The following ABLIM2 variants were observed in gnomAD, a reference collection of about 807,000 sequenced individuals.
The protein encoded by ABLIM2 is actin-binding LIM protein 2.
In ABLIM2, 53 loss-of-function variants were observed where a neutral mutation model predicts 97.7. That is an observed-to-expected ratio of 0.54 (90% CI 0.44 to 0.68). The LOEUF (loss-of-function observed/expected upper bound fraction) is 0.68, where lower values mean the gene tolerates loss of function less well. Among genes scored for constraint, ABLIM2 ranks in the 30% least tolerant of loss-of-function variants. ABLIM2 has a pLI of 0.00. For missense variants in ABLIM2, 835 were observed against 867.2 expected, an observed-to-expected ratio of 0.96 and a Z score of 0.47; for synonymous variants, 361 against 345.8, an observed-to-expected ratio of 1.04 and a Z score of -0.49.
At chr4:8,089,165 C>A (rs1337738739) in intron 3 of ABLIM2, among the ~76,000 whole-genome samples, 1 of 152,230 alleles carries the variant, frequency 6.6e-6, no homozygotes, top group Non-Finnish European at 1.5e-5. Context: ...AGGTGAGGGA[C>A]CGCAGAGAGC....
Position 8,032,378 on chromosome 4 carries a change from C to T in ABLIM2, c.1048-2602G>A, listed in dbSNP as rs1781501610. Among the ~76,000 whole-genome samples, 1 of 152,180 alleles carries T rather than the reference C, an allele frequency of 6.6e-6. No individual in the cohort carries two copies. Among genetic ancestry groups the T allele is most frequent in the Admixed American group, 6.5e-5 (1 of 15,280 alleles). On this transcript the variant is annotated intron_variant, in intron 10 of 20. Coordinates refer to ENST00000447017, the MANE Select transcript of ABLIM2 (RefSeq NM_001130083.2). This position sits in a 1 kb window ranked among gnomAD's most constrained non-coding sequence, Gnocchi z 4.3. ...TTTTCCCCTAAAGGAAGCCACGGCC[C>T]AGACCACGATCTGCTCAGGGTAGAC...
rs772725032 is a variant in ABLIM2, at chr4:7,983,364, C to T, written c.1744-20G>A. ...ATAGATCTGTTGGGGGAGGAAACCA[C>T]AGGGTCACCTCACGAAGCAAGTGTA... On this transcript the variant is annotated intron_variant, in intron 19 of 20. Transcript: ENST00000447017. 5.0e-6 allele frequency: 8 copies of T among 1,608,162 alleles called. No individual in the cohort carries two copies. The African/African-American group carries it at 1.1e-4, about 21-fold the overall frequency.
intron 10 of ABLIM2, among the ~76,000 whole-genome samples, chr4:8,031,701 C>T (rs1450127551): frequency 1.3e-5 from 2 of 151,216 alleles, no homozygotes; most frequent in Non-Finnish European, 1.5e-5. Context: ...CTCTGGGTGT[C>T]GTGGTGGGGG....
At position 8,127,564 on chromosome 4, in the gene ABLIM2, AC is replaced by A. The variant is rs1405112073; in HGVS notation, c.11-20928del. The A allele has an allele frequency of 1.7e-5, 22 of 1,289,494 alleles. No individual in the cohort carries two copies. The highest frequency in any genetic ancestry group is 3.7e-5 in the South Asian group (3 of 81,024). The allele number at this position is 1,289,494 out of a possible 1,614,324, so 79.9% of individuals were successfully genotyped here. On this transcript the variant is annotated intron_variant, in intron 1 of 20. Coordinates refer to ENST00000447017, the MANE Select transcript of ABLIM2 (RefSeq NM_001130083.2). The surrounding 1 kb of genome is among the most constrained non-coding windows in gnomAD (Gnocchi z 7.3). ...GGATTTACCTGTGTCTCCCCCTGGC[AC>A]CCCCATGGAGCGTGGCTGCTTGCAA...
chr4:8,046,497 C>A lies in ABLIM2; in HGVS notation c.823-1256G>T, dbSNP rs1248159490. ...TCAGCAGCCAAGAGCTCAGCCCTCACTCTCCCCACGGCCCCCACGTCCTCT... is the reference window on the plus strand; with the variant it reads ...TCAGCAGCCAAGAGCTCAGCCCTCAATCTCCCCACGGCCCCCACGTCCTCT... On this transcript the variant is annotated intron_variant, in intron 8 of 20. Coordinates refer to ENST00000447017, the MANE Select transcript of ABLIM2 (RefSeq NM_001130083.2). The surrounding 1 kb of genome is among the most constrained non-coding windows in gnomAD (Gnocchi z 4.4). 6.6e-6 allele frequency among the ~76,000 whole-genome samples: 1 copy of A among 152,192 alleles called. No homozygotes were observed. Among genetic ancestry groups the A allele is most frequent in the Non-Finnish European group, 1.5e-5 (1 of 68,040 alleles).
At chr4:7,983,411 C>T (rs1225208678) in intron 19 of ABLIM2, 67 bp from the exon 20 acceptor site, 19 of 1,581,478 alleles carry the variant, frequency 1.2e-5, no homozygotes, top group Admixed American at 3.6e-5. Context: ...AAGAACTGAG[C>T]AGAAGGTCAC....
At position 8,032,679 on chromosome 4, in the gene ABLIM2, G is replaced by A. The variant is rs1781717234; in HGVS notation, c.1048-2903C>T. Reference sequence around the variant, plus strand: ...CGGCGTTGGCGAGAGCAACTGAGGGGACTGTGGACACAACACACAAAGTGG... The same window carrying A: ...CGGCGTTGGCGAGAGCAACTGAGGGAACTGTGGACACAACACACAAAGTGG... On this transcript the variant is annotated intron_variant, in intron 10 of 20. Coordinates refer to ENST00000447017, the MANE Select transcript of ABLIM2 (RefSeq NM_001130083.2). This position sits in a 1 kb window ranked among gnomAD's most constrained non-coding sequence, Gnocchi z 4.3. 6.2e-7 allele frequency: 1 copy of A among 1,612,546 alleles called. No homozygotes were observed. The highest frequency in any genetic ancestry group is 2.2e-5 in the East Asian group (1 of 44,860).
intron 7 of ABLIM2, among the ~76,000 whole-genome samples, chr4:8,055,098 C>G (rs1340573172): frequency 3.3e-5 from 5 of 151,688 alleles, no homozygotes; most frequent in Non-Finnish European, 5.9e-5. Flanking sequence ...TCTACCTTGT[C>G]AGGTCACTGG....
In ABLIM2 at chr4:8,140,219, A is replaced by G. The variant is rs932721354; in HGVS notation, c.10+18461T>C. 5.9e-5 allele frequency among the ~76,000 whole-genome samples: 9 copies of G among 152,198 alleles called. No individual in the cohort carries two copies. The highest frequency in any genetic ancestry group is 2.0e-4 in the Admixed American group (3 of 15,282). ...ATGGCACACGTTTACCTGTGTAACA[A>G]ACCTGCATGTCCTGCACATGTATCC... On this transcript the variant is annotated intron_variant, in intron 1 of 20. Transcript: ENST00000447017. The surrounding 1 kb of genome is among the most constrained non-coding windows in gnomAD (Gnocchi z 5.9).
At chr4:8,050,625 G>A (rs775976644) in intron 8 of ABLIM2, among the ~76,000 whole-genome samples, 1 of 152,150 alleles carries the variant, frequency 6.6e-6, no homozygotes, top group African/African-American at 2.4e-5. Context: ...GCCGGGAGCC[G>A]GCCAGGTCTG....
chr4:7,984,060 G>A (rs1427572381), intron 18 of ABLIM2, among the ~76,000 whole-genome samples: 1 of 152,180 alleles, frequency 6.6e-6, no homozygotes, highest in Non-Finnish European at 1.5e-5. Flanking sequence ...GACTGAAAGC[G>A]TCTTATCACG....
intron 1 of ABLIM2, among the ~76,000 whole-genome samples, chr4:8,137,579 C>T (rs781357305): frequency 2.6e-5 from 4 of 152,200 alleles, no homozygotes; most frequent in Admixed American, 6.5e-5. Flanking sequence ...CGGGCACAGG[C>T]GGTGGTGAAG....
intron 2 of ABLIM2, among the ~76,000 whole-genome samples, chr4:8,099,507 T>C (rs900094106): frequency 6.6e-6 from 1 of 152,134 alleles, no homozygotes. Flanking sequence ...GCTGGTCAGA[T>C]TCTAGCTGTC....
In ABLIM2 at chr4:8,080,813, G is replaced by A. The variant is rs762581664; in HGVS notation, c.455-11C>T. 3 of 1,601,662 alleles carry A rather than the reference G, an allele frequency of 1.9e-6. No individual in the cohort carries two copies. Among genetic ancestry groups the A allele is most frequent in the Admixed American group, 1.7e-5 (1 of 59,376 alleles). ...CGCAGCCCCCACAACCTGGAAGAAAGAGAAGAGAACACAGACACCCCCACC... is the reference window on the plus strand; with the variant it reads ...CGCAGCCCCCACAACCTGGAAGAAAAAGAAGAGAACACAGACACCCCCACC... On this transcript the variant is annotated splice_polypyrimidine_tract_variant and intron_variant, in intron 4 of 20. Coordinates refer to ENST00000447017, the MANE Select transcript of ABLIM2 (RefSeq NM_001130083.2).
intron 2 of ABLIM2, among the ~76,000 whole-genome samples, chr4:8,100,576 G>A (rs919718317): frequency 2.0e-5 from 3 of 151,792 alleles, no homozygotes; most frequent in Non-Finnish European, 2.9e-5. Context: ...GAGGAACCTC[G>A]ACTCCACTAA....
chr4:8,087,700 G>GCATTAGATGGGAAAGCAGCAGTGGA lies in ABLIM2; in HGVS notation c.454+444_454+468dup, dbSNP rs1394969221. ...ACATTAGATGGGAAAGCAGCAGTGG[G>GCATTAGATGGGAAAGCAGCAGTGGA]CATTAGATGGGAAAGCAGCAGTGGA... is the stretch of plus-strand genomic sequence containing the variant. On this transcript the variant is annotated intron_variant, in intron 4 of 20. Transcript: ENST00000447017. The surrounding 1 kb of genome is among the most constrained non-coding windows in gnomAD (Gnocchi z 4.6). 6.6e-6 allele frequency among the ~76,000 whole-genome samples: 1 copy of GCATTAGATGGGAAAGCAGCAGTGGA among 151,784 alleles called. No homozygotes were observed. The highest frequency in any genetic ancestry group is 1.5e-5 in the Non-Finnish European group (1 of 67,906).
Position 8,095,025 on chromosome 4 carries a change from C to T in ABLIM2, c.338+2074G>A, listed in dbSNP as rs1830760164. 6.8e-6 allele frequency among the ~76,000 whole-genome samples: 1 copy of T among 147,474 alleles called. No homozygotes were observed. The highest frequency in any genetic ancestry group is 2.2e-4 in the South Asian group (1 of 4,598). On this transcript the variant is annotated intron_variant, in intron 3 of 20. Coordinates refer to ENST00000447017, the MANE Select transcript of ABLIM2 (RefSeq NM_001130083.2). The surrounding 1 kb of genome is among the most constrained non-coding windows in gnomAD (Gnocchi z 4.7). Reference sequence around the variant, plus strand: ...TTCTTTCTTTCTCTCTCTCTCTCCCCCCACTTCTTTCCTTCCTTCCTTCTT... The same window carrying T: ...TTCTTTCTTTCTCTCTCTCTCTCCCTCCACTTCTTTCCTTCCTTCCTTCTT...
chr4:8,120,979 G>A lies in ABLIM2; in HGVS notation c.11-14342C>T, dbSNP rs1475546393. The stretch of plus-strand genomic sequence containing the variant: ...ATTCAAAGTATGGTTTCTACTGAAT[G>A]CATATTGTTTTTGCAACATTATAAA... On this transcript the variant is annotated intron_variant, in intron 1 of 20. Transcript: ENST00000447017. The surrounding 1 kb of genome is among the most constrained non-coding windows in gnomAD (Gnocchi z 5.6). 6.6e-6 allele frequency among the ~76,000 whole-genome samples: 1 copy of A among 152,230 alleles called. No homozygotes were observed.
chr4:7,997,153 C>A lies in ABLIM2; in HGVS notation c.1619-4226G>T, dbSNP rs191222732. 2.8e-3 allele frequency among the ~76,000 whole-genome samples: 428 copies of A among 152,230 alleles called. 6 individuals carry two copies. The highest frequency in any genetic ancestry group is 9.5e-3 in the African/African-American group (396 of 41,550). On this transcript the variant is annotated intron_variant, in intron 16 of 20. Coordinates refer to ENST00000447017, the MANE Select transcript of ABLIM2 (RefSeq NM_001130083.2). Reference sequence around the variant, plus strand: ...GTGGCACGATCTTGGCTCACTGCAACCTCCGTCTCCCAGGTTCAAGCGATT... The same window carrying A: ...GTGGCACGATCTTGGCTCACTGCAAACTCCGTCTCCCAGGTTCAAGCGATT...
Sources: allele counts gnomAD v4.1 joint callset (sites outside exome capture counted in the v4.1 genomes callset), GRCh38; gene constraint gnomAD v4.1.1; non-coding constraint Gnocchi (gnomAD v3.1); transcripts MANE v1.5; gene names NCBI Gene and HGNC (gene_info 2026-07-23, HGNC 2026-07-21).